The following MICU2 variants were observed in gnomAD, a reference collection of about 807,000 sequenced individuals.
MICU2 encodes calcium uptake protein 2, mitochondrial.
In MICU2, 64 loss-of-function variants were observed where a neutral mutation model predicts 60.4. That is an observed-to-expected ratio of 1.06 (90% CI 0.87 to 1.31). The LOEUF (loss-of-function observed/expected upper bound fraction) is 1.31. MICU2 is among the 50% of genes most tolerant of loss of function. The probability of loss-of-function intolerance (pLI) is 0.00; values close to 1 mark genes in which losing one functional copy is unlikely to be tolerated. For synonymous variants in MICU2, 201 were observed against 175.0 expected (o/e 1.15, Z -1.17); for missense variants, 569 against 531.0 (o/e 1.07, Z -0.70).
intron 2 of MICU2, among the ~76,000 whole-genome samples, chr13:21,561,499 C>T (rs1887839011): frequency 1.3e-5 from 2 of 151,446 alleles, no homozygotes; most frequent in Non-Finnish European, 2.9e-5. Flanking sequence ...GGTATACATA[C>T]ATTACAGATA....
intron 7 of MICU2, among the ~76,000 whole-genome samples, chr13:21,510,813 A>C (rs2181329): frequency 0.79 from 118,875 of 150,270 alleles, 46,972 homozygotes; most frequent in East Asian, 1. Context: ...GAATTCATTA[A>C]ATGAATTCAT....
At chr13:21,566,124 T>A (rs1887975200) in intron 2 of MICU2, among the ~76,000 whole-genome samples, 1 of 152,178 alleles carries the variant, frequency 6.6e-6, no homozygotes, top group Admixed American at 6.5e-5. Flanking sequence ...TCCCATGTTC[T>A]CTCAGCCTTT....
At chr13:21,534,888 T>A (rs1162945180) in intron 4 of MICU2, among the ~76,000 whole-genome samples, 1 of 152,142 alleles carries the variant, frequency 6.6e-6, no homozygotes, top group Admixed American at 6.5e-5. Context: ...CACAGATGAC[T>A]TCATAGAGTA....
intron 2 of MICU2, among the ~76,000 whole-genome samples, chr13:21,550,831 G>A (rs1217149805): frequency 6.6e-6 from 1 of 152,166 alleles, no homozygotes; most frequent in Non-Finnish European, 1.5e-5. Context: ...TTTTACTGAT[G>A]AGGAAACCTA....
intron 4 of MICU2, among the ~76,000 whole-genome samples, chr13:21,528,070 T>C (rs1886899526): frequency 6.6e-6 from 1 of 152,228 alleles, no homozygotes; most frequent in African/African-American, 2.4e-5. Flanking sequence ...ATATTCAGTA[T>C]ATTTTTGAGG....
chr13:21,583,154 T>C (rs1041712448), intron 1 of MICU2, among the ~76,000 whole-genome samples: 9 of 152,096 alleles, frequency 5.9e-5, no homozygotes, highest in African/African-American at 1.9e-4. Context: ...ACTCGAGAGA[T>C]TGAGGAGGGA....
At chr13:21,543,560 A>G (rs1193939390) in intron 2 of MICU2, among the ~76,000 whole-genome samples, 1 of 152,202 alleles carries the variant, frequency 6.6e-6, no homozygotes, top group Non-Finnish European at 1.5e-5. Flanking sequence ...TCCATTTGCA[A>G]TAGGTACAAA....
intron 1 of MICU2, among the ~76,000 whole-genome samples, chr13:21,598,154 C>G (rs1218347259): frequency 6.6e-6 from 1 of 151,462 alleles, no homozygotes; most frequent in Non-Finnish European, 1.5e-5. Flanking sequence ...ATTTTTCAAA[C>G]AGTAGTGGAA....
chr13:21,573,058 T>C (rs752817748), intron 1 of MICU2, among the ~76,000 whole-genome samples: 4 of 152,202 alleles, frequency 2.6e-5, no homozygotes, highest in Non-Finnish European at 5.9e-5. Context: ...TATTGTCTGA[T>C]TTTACTATAT....
chr13:21,542,791 T>G (rs1887315945), intron 2 of MICU2, among the ~76,000 whole-genome samples: 1 of 152,182 alleles, frequency 6.6e-6, no homozygotes, highest in Non-Finnish European at 1.5e-5. Context: ...ATTTATGAAG[T>G]AAAATCCAGA....
At chr13:21,494,050 T>G (rs1200947616) in intron 11 of MICU2, among the ~76,000 whole-genome samples, 3 of 152,150 alleles carry the variant, frequency 2.0e-5, no homozygotes, top group Admixed American at 6.5e-5. Flanking sequence ...TAATGTCTTC[T>G]GAGAAAGGGC....
Position 21,496,210 on chromosome 13 carries a change from C to G in MICU2, c.934-50G>C, listed in dbSNP as rs777866246. On this transcript the variant is annotated intron_variant, in intron 9 of 11. Coordinates refer to ENST00000382374, the MANE Select transcript of MICU2 (RefSeq NM_152726.3). ...CAATTTTGTAAGTACATTAAATAAT[C>G]TTATAAATGTTAACTATGAACTTTC... 27 of 1,341,120 alleles carry G rather than the reference C, an allele frequency of 2.0e-5. No homozygotes were observed. In the South Asian group the frequency reaches 3.3e-4, roughly 16 times the overall value. The allele number at this position is 1,341,120 out of a possible 1,614,324, so 83.1% of individuals were successfully genotyped here. A position where few individuals can be genotyped will look rare whatever the true frequency, so the allele number is the denominator to read the frequency against.
At chr13:21,601,878 G>A (rs1185458208) in intron 1 of MICU2, among the ~76,000 whole-genome samples, 1 of 152,090 alleles carries the variant, frequency 6.6e-6, no homozygotes, top group Non-Finnish European at 1.5e-5. Context: ...GGCCAAGGCA[G>A]GCGGATCACG....
At chr13:21,504,509 A>T (rs987377338) in intron 8 of MICU2, among the ~76,000 whole-genome samples, 7 of 152,210 alleles carry the variant, frequency 4.6e-5, no homozygotes, top group African/African-American at 1.4e-4. Flanking sequence ...AATGAATATA[A>T]ATCAATTTAT....
In MICU2 at chr13:21,592,964, G is replaced by C. The variant is rs184051249; in HGVS notation, c.210+10975C>G. Reference sequence around the variant, plus strand: ...CCCTTTGAAAACCAGTACAAGACGAGGATGCCCTCTCTCACCACTCGTATT... The same window carrying C: ...CCCTTTGAAAACCAGTACAAGACGACGATGCCCTCTCTCACCACTCGTATT... On this transcript the variant is annotated intron_variant, in intron 1 of 11. Transcript: ENST00000382374. 6.2e-4 allele frequency among the ~76,000 whole-genome samples: 95 copies of C among 152,304 alleles called. No homozygotes were observed. The East Asian group carries it at 0.012, about 19-fold the overall frequency.
intron 7 of MICU2, among the ~76,000 whole-genome samples, chr13:21,510,364 A>T (rs1465628947): frequency 6.6e-6 from 1 of 152,218 alleles, no homozygotes; most frequent in Non-Finnish European, 1.5e-5. Flanking sequence ...ATCTTAGATC[A>T]GGCCAAAAAG....
At chr13:21,579,489 C>CTGTGA (rs1888298610) in intron 1 of MICU2, among the ~76,000 whole-genome samples, 2 of 151,940 alleles carry the variant, frequency 1.3e-5, no homozygotes, top group African/African-American at 4.8e-5. Flanking sequence ...TACAGGCTCC[C>CTGTGA]GCCACCACGC....
intron 2 of MICU2, among the ~76,000 whole-genome samples, chr13:21,565,291 G>A (rs888617867): frequency 1.6e-4 from 24 of 152,152 alleles, no homozygotes; most frequent in African/African-American, 5.3e-4. Flanking sequence ...ACTTTGGGAG[G>A]CCAAGGGGGG....
At chr13:21,590,614 C>T (rs1407589726) in intron 1 of MICU2, among the ~76,000 whole-genome samples, 3 of 152,192 alleles carry the variant, frequency 2.0e-5, no homozygotes, top group South Asian at 2.1e-4. Context: ...TGGTGGCTCA[C>T]GCCTGTAATC....
Sources: gnomAD v4.1 joint callset for allele counts (sites outside exome capture counted in the v4.1 genomes callset) on GRCh38, gnomAD v4.1.1 for gene constraint, MANE v1.5 for transcripts, NCBI Gene and HGNC (gene_info 2026-07-23, HGNC 2026-07-21) for gene names.